The following WDR41 variants were observed in gnomAD, a reference collection of about 807,000 sequenced individuals.
The protein encoded by WDR41 is WD repeat-containing protein 41.
A neutral mutation model predicts 69.3 loss-of-function variants in WDR41; 63 were observed. The ratio of observed to expected loss-of-function variants is 0.91; its 90% CI spans 0.74 to 1.12. The LOEUF is 1.12. WDR41 is among the 50% of genes most tolerant of loss of function. The probability of loss-of-function intolerance (pLI) is 0.00; values close to 1 mark genes in which losing one functional copy is unlikely to be tolerated. For missense variants in WDR41, 543 were observed against 534.5 expected (o/e 1.02, Z -0.16); for synonymous variants, 185 against 192.1 (o/e 0.96, Z 0.31).
At chr5:77,573,300 G>T (rs1046646219) in intron 1 of WDR41, among the ~76,000 whole-genome samples, 17 of 151,648 alleles carry the variant, frequency 1.1e-4, no homozygotes, top group Middle Eastern at 6.8e-3. Flanking sequence ...TTTAAGTTCT[G>T]GGATACATGT....
chr5:77,469,088 G>A (rs1288113523), intron 2 of WDR41, among the ~76,000 whole-genome samples: 1 of 152,154 alleles, frequency 6.6e-6, no homozygotes. Flanking sequence ...CACGTCCTTT[G>A]TAGGGACATG....
At chr5:77,581,657 C>T (rs1743942181) in intron 1 of WDR41, among the ~76,000 whole-genome samples, 1 of 152,054 alleles carries the variant, frequency 6.6e-6, no homozygotes, top group South Asian at 2.1e-4. Flanking sequence ...TGTATGTTCT[C>T]CAACCACAAT....
intron 1 of WDR41, among the ~76,000 whole-genome samples, chr5:77,606,440 A>G (rs1013401543): frequency 6.6e-6 from 1 of 152,224 alleles, no homozygotes; most frequent in Non-Finnish European, 1.5e-5. Flanking sequence ...CATGCTAAAT[A>G]TCAGGAAAGA....
intron 1 of WDR41, among the ~76,000 whole-genome samples, chr5:77,569,409 T>A (rs78990368): frequency 0.083 from 12,688 of 152,220 alleles, 634 homozygotes; most frequent in South Asian, 0.23. Context: ...TTTTATAATA[T>A]TCATTAAATG....
chr5:77,433,032 AAAAAAATTACC>A lies in WDR41; in HGVS notation c.*92_*102del. ...ACATGTAGAATTTTATGGACTGACA[AAAAAAATTACC>A]AATTTAAGTGATCAATATATTAATG... On this transcript the variant is annotated 3_prime_UTR_variant, in exon 13 of 13. Coordinates refer to ENST00000296679, the MANE Select transcript of WDR41 (RefSeq NM_018268.4). 1.5e-6 allele frequency: 2 copies of A among 1,341,308 alleles called. No individual in the cohort carries two copies. The highest frequency in any genetic ancestry group is 2.0e-6 in the Non-Finnish European group (2 of 1,009,270). 83.1% of individuals were successfully genotyped at this position (1,341,308 alleles called of 1,614,324 possible). A position where few individuals can be genotyped will look rare whatever the true frequency, so the allele number is the denominator to read the frequency against.
intron 1 of WDR41, chr5:77,545,945 C>A: frequency 4.0e-6 from 2 of 495,036 alleles, no homozygotes; most frequent in East Asian, 6.9e-5. Context: ...AGGTGACAGG[C>A]CGCTGTGGCT....
intron 1 of WDR41, among the ~76,000 whole-genome samples, chr5:77,520,913 A>G (rs1802360492): frequency 6.6e-6 from 1 of 152,216 alleles, no homozygotes; most frequent in Non-Finnish European, 1.5e-5. Flanking sequence ...TTCAGCCGTC[A>G]TAAGTATCTG....
chr5:77,440,750 A>G (rs1008219158), intron 9 of WDR41, 63 bp downstream of exon 9: 2 of 1,509,452 alleles, frequency 1.3e-6, no homozygotes, highest in Non-Finnish European at 1.8e-6. Flanking sequence ...TTAAATTTTT[A>G]AAATCAGAAA....
intron 2 of WDR41, among the ~76,000 whole-genome samples, chr5:77,481,456 G>T (rs1801256041): frequency 6.6e-6 from 1 of 152,118 alleles, no homozygotes; most frequent in Non-Finnish European, 1.5e-5. Flanking sequence ...TTGACTCAGG[G>T]TGAAGTGTTA....
chr5:77,483,658 T>C (rs1801389186), intron 2 of WDR41, among the ~76,000 whole-genome samples: 1 of 152,048 alleles, frequency 6.6e-6, no homozygotes, highest in African/African-American at 2.4e-5. Context: ...ACATTAGAGG[T>C]TGCAAAATTA....
At chr5:77,565,377 C>T (rs1288820741) in intron 1 of WDR41, among the ~76,000 whole-genome samples, 1 of 152,160 alleles carries the variant, frequency 6.6e-6, no homozygotes, top group African/African-American at 2.4e-5. Context: ...CCTAGCCCCA[C>T]CTTACTTTTT....
At chr5:77,448,199 G>A (rs538216546) in intron 8 of WDR41, among the ~76,000 whole-genome samples, 2 of 152,036 alleles carry the variant, frequency 1.3e-5, no homozygotes, top group Non-Finnish European at 2.9e-5. Flanking sequence ...AATACTGCTG[G>A]GCTTTTCTCA....
rs547770558 is a variant in WDR41, at chr5:77,597,525, A to G, written c.42+22954T>C. On this transcript the variant is annotated intron_variant, in intron 1 of 5. Coordinates refer to the WDR41 transcript ENST00000509971. ...GAAATTTCACAGTTCTGCCTATAGCAGCAAATACCTATGAGGGCTTGAGCC... is the reference window on the plus strand; with the variant it reads ...GAAATTTCACAGTTCTGCCTATAGCGGCAAATACCTATGAGGGCTTGAGCC... Among the ~76,000 whole-genome samples the G allele has an allele frequency of 2.2e-3, 337 of 152,314 alleles. 3 individuals are homozygous for G. The highest frequency in any genetic ancestry group is 1.8e-3 in the Non-Finnish European group (123 of 68,022).
At chr5:77,453,663 C>T (rs1328350794) in intron 6 of WDR41, 154 bp downstream of exon 6, 1 of 614,320 alleles carries the variant, frequency 1.6e-6, no homozygotes, top group African/African-American at 1.9e-5. Context: ...TTACACAACC[C>T]CGATCTGAAT....
chr5:77,534,438 A>AT (rs11398541), intron 1 of WDR41, among the ~76,000 whole-genome samples: 24,136 of 151,118 alleles, frequency 0.16, 3,086 homozygotes, highest in African/African-American at 0.34. Flanking sequence ...CAAAATTTCA[A>AT]TTTTTTTTTC....
At chr5:77,444,431 C>CCAGAG (rs1799296441) in intron 8 of WDR41, among the ~76,000 whole-genome samples, 1 of 152,166 alleles carries the variant, frequency 6.6e-6, no homozygotes, top group Non-Finnish European at 1.5e-5. Context: ...AAAGGAGCAC[C>CCAGAG]CAGAGCCTTC....
At chr5:77,508,741 T>A (rs1479412565) in intron 1 of WDR41, among the ~76,000 whole-genome samples, 1 of 152,138 alleles carries the variant, frequency 6.6e-6, no homozygotes, top group Non-Finnish European at 1.5e-5. Context: ...CTTGTTTTTG[T>A]TGTTGTTTGC....
At chr5:77,505,031 C>T (rs1274412494) in intron 1 of WDR41, among the ~76,000 whole-genome samples, 3 of 152,116 alleles carry the variant, frequency 2.0e-5, no homozygotes, top group Non-Finnish European at 4.4e-5. Context: ...CCAGGGCAAT[C>T]AGGCAAGAGA....
intron 1 of WDR41, among the ~76,000 whole-genome samples, chr5:77,579,052 C>A (rs942451607): frequency 6.6e-6 from 1 of 151,026 alleles, no homozygotes; most frequent in African/African-American, 2.4e-5. Flanking sequence ...AACTGGCAGA[C>A]AAAAAAACAG....
Sources: allele counts gnomAD v4.1 joint callset (sites outside exome capture counted in the v4.1 genomes callset), GRCh38; gene constraint gnomAD v4.1.1; transcripts MANE v1.5; gene names NCBI Gene and HGNC (gene_info 2026-07-23, HGNC 2026-07-21).